The following GRIA1 variants were observed in gnomAD, a reference collection of about 807,000 sequenced individuals.
GRIA1 encodes glutamate receptor 1.
In GRIA1, 31 loss-of-function variants were observed where a neutral mutation model predicts 99.2. The ratio of observed to expected loss-of-function variants is 0.31; its 90% CI spans 0.23 to 0.42. The LOEUF is 0.42. Ranked by LOEUF, GRIA1 falls within the 10% of genes least tolerant of loss-of-function variation. The probability of loss-of-function intolerance (pLI) is 1.00; values close to 1 mark genes in which losing one functional copy is unlikely to be tolerated. For missense variants in GRIA1, 782 were observed against 1,157.5 expected, an observed-to-expected ratio of 0.68 and a Z score of 4.71; for synonymous variants, 438 against 432.4, an observed-to-expected ratio of 1.01 and a Z score of -0.16.
At chr5:153,552,248 GAA>G (rs72179001) in intron 2 of GRIA1, among the ~76,000 whole-genome samples, 70,212 of 147,312 alleles carry the variant, frequency 0.48, 18,053 homozygotes, top group Non-Finnish European at 0.6. Context: ...CAAAAAAAAA[GAA>G]AAAAAAAAAG....
At chr5:153,534,154 G>A (rs1758339335) in intron 2 of GRIA1, among the ~76,000 whole-genome samples, 1 of 152,214 alleles carries the variant, frequency 6.6e-6, no homozygotes, top group African/African-American at 2.4e-5. Context: ...AAGCAAGTTG[G>A]AAGAAAAGAA....
intron 5 of GRIA1, among the ~76,000 whole-genome samples, chr5:153,665,722 A>C (rs1755695489): frequency 6.6e-6 from 1 of 152,184 alleles, no homozygotes; most frequent in Non-Finnish European, 1.5e-5. Flanking sequence ...AAGTTTCCAA[A>C]CTTTTTAGTT....
At chr5:153,804,732 A>ATTTATTTATTT (rs1561874880) in intron 15 of GRIA1, among the ~76,000 whole-genome samples, 3 of 76,086 alleles carry the variant, frequency 3.9e-5, no homozygotes, top group African/African-American at 1.9e-4. Context: ...TTAATTAATT[A>ATTTATTTATTT]ATTTATTTAT....
In GRIA1 at chr5:153,600,379, G is replaced by A. The variant is rs372978225; in HGVS notation, c.221-46549G>A. 2.9e-4 allele frequency among the ~76,000 whole-genome samples: 33 copies of A among 113,988 alleles called. 1 individual carries two copies. Among genetic ancestry groups the A allele is most frequent in the Admixed American group, 1.9e-3 (15 of 8,066 alleles). 74.8% of individuals were successfully genotyped at this position (113,988 alleles called of 152,430 possible). Reference sequence around the variant, plus strand: ...TGCACTCCAGCCTGGGCGACAGAGCGAGACTCCATCTCAAAAAAAAAAAAA... The same window carrying A: ...TGCACTCCAGCCTGGGCGACAGAGCAAGACTCCATCTCAAAAAAAAAAAAA... On this transcript the variant is annotated intron_variant, in intron 2 of 15. Coordinates refer to ENST00000285900, the MANE Select transcript of GRIA1 (RefSeq NM_000827.4).
intron 2 of GRIA1, among the ~76,000 whole-genome samples, chr5:153,630,243 T>A (rs1752842278): frequency 7.1e-6 from 1 of 141,152 alleles, no homozygotes. Flanking sequence ...ATGTTAGAAA[T>A]AATAATGATA....
chr5:153,645,929 C>T (rs1171859177), intron 2 of GRIA1, among the ~76,000 whole-genome samples: 1 of 152,208 alleles, frequency 6.6e-6, no homozygotes, highest in Non-Finnish European at 1.5e-5. Flanking sequence ...TGACTTTCCT[C>T]ACCATCCACC....
intron 11 of GRIA1, among the ~76,000 whole-genome samples, chr5:153,729,854 C>CA (rs1429727809): frequency 9.9e-5 from 15 of 151,988 alleles, no homozygotes; most frequent in African/African-American, 3.6e-4. Context: ...TCAATGTTAG[C>CA]AAAAATATGT....
chr5:153,692,341 G>T (rs567021857), intron 8 of GRIA1, among the ~76,000 whole-genome samples: 11 of 152,276 alleles, frequency 7.2e-5, no homozygotes, highest in African/African-American at 2.6e-4. Flanking sequence ...GCAAACTTCT[G>T]CCTACTGGCC....
At chr5:153,609,813 G>A (rs147209742) in intron 2 of GRIA1, among the ~76,000 whole-genome samples, 3,762 of 151,814 alleles carry the variant, frequency 0.025, 154 homozygotes, top group African/African-American at 0.087. Flanking sequence ...TGCCGGCCTC[G>A]GCCTCCCAAA....
intron 8 of GRIA1, among the ~76,000 whole-genome samples, chr5:153,690,599 C>A (rs926794670): frequency 3.3e-5 from 5 of 152,176 alleles, no homozygotes; most frequent in Non-Finnish European, 5.9e-5. Flanking sequence ...TACTTTTAAA[C>A]TCCCTTCTAT....
intron 11 of GRIA1, among the ~76,000 whole-genome samples, chr5:153,711,222 T>C (rs547461343): frequency 1.3e-5 from 2 of 152,156 alleles, no homozygotes; most frequent in African/African-American, 4.8e-5. Flanking sequence ...AGGATTGATT[T>C]GCATGCTAAA....
At chr5:153,773,650 C>T (rs986171212) in intron 13 of GRIA1, among the ~76,000 whole-genome samples, 4 of 152,126 alleles carry the variant, frequency 2.6e-5, no homozygotes, top group Non-Finnish European at 4.4e-5. Flanking sequence ...TCTGTAAACA[C>T]ATAACAAGCC....
intron 12 of GRIA1, among the ~76,000 whole-genome samples, chr5:153,768,376 A>G (rs1763656831): frequency 6.6e-6 from 1 of 152,166 alleles, no homozygotes; most frequent in South Asian, 2.1e-4. Context: ...TGGATGGGGA[A>G]ACTAAGGCCC....
intron 2 of GRIA1, among the ~76,000 whole-genome samples, chr5:153,510,938 G>A (rs989763771): frequency 6.6e-6 from 1 of 152,188 alleles, no homozygotes; most frequent in East Asian, 1.9e-4. Context: ...AGCATTGGGG[G>A]TGATGAGGGA....
intron 2 of GRIA1, among the ~76,000 whole-genome samples, chr5:153,603,040 T>A (rs903970745): frequency 6.6e-6 from 1 of 152,114 alleles, no homozygotes; most frequent in Non-Finnish European, 1.5e-5. Context: ...TCATTTAGCA[T>A]TAGGTATATC....
chr5:153,701,560 G>A (rs543728841), intron 10 of GRIA1, among the ~76,000 whole-genome samples: 1 of 139,554 alleles, frequency 7.2e-6, no homozygotes, highest in Non-Finnish European at 1.5e-5. Flanking sequence ...GGCGGAGCTT[G>A]CAATGAGCCA....
chr5:153,677,074 A>C lies in GRIA1; in HGVS notation c.942A>C (p.Ile314=). 1.9e-6 allele frequency: 3 copies of C among 1,585,776 alleles called. No individual in the cohort carries two copies. Among genetic ancestry groups the C allele is most frequent in the Non-Finnish European group, 2.6e-6 (3 of 1,163,878 alleles). ...GCCTGCGGAGGCAGAGAATTGATAT[A>C]TCTCGCCGGGGGAATGCTGGGGATT... ...FQSLRRQRID[I]SRRGNAGDCL... is the part of the protein sequence containing the mutation. Residue 314 remains isoleucine, a synonymous_variant, in exon 7 of 16, where the codon ATA becomes ATC. Coordinates refer to ENST00000285900, the MANE Select transcript of GRIA1 (RefSeq NM_000827.4).
intron 11 of GRIA1, among the ~76,000 whole-genome samples, chr5:153,710,206 T>G (rs2149526223): frequency 6.6e-6 from 1 of 151,518 alleles, no homozygotes; most frequent in South Asian, 2.1e-4. Flanking sequence ...TGAATTTACT[T>G]TTAAGCCTGC....
At chr5:153,781,539 A>C (rs933668577) in intron 13 of GRIA1, among the ~76,000 whole-genome samples, 4 of 151,958 alleles carry the variant, frequency 2.6e-5, no homozygotes, top group Admixed American at 1.3e-4. Flanking sequence ...CATGCAGGAA[A>C]CCCCTGCTGA....
Sources: allele counts gnomAD v4.1 joint callset (sites outside exome capture counted in the v4.1 genomes callset), GRCh38; gene constraint gnomAD v4.1.1; transcripts MANE v1.5; gene names NCBI Gene and HGNC (gene_info 2026-07-23, HGNC 2026-07-21).